ARHGEF11: variants seen among roughly 807,000 people sequenced by gnomAD.
The protein encoded by ARHGEF11 is Rho guanine exchange factor (GEF) 11.
Under a neutral mutation model 193.7 loss-of-function variants are expected in ARHGEF11, and 55 were observed. That is an observed-to-expected ratio of 0.28 (90% CI 0.23 to 0.36). The LOEUF (loss-of-function observed/expected upper bound fraction) is 0.36, where lower values mean the gene tolerates loss of function less well. Ranked by LOEUF, ARHGEF11 falls within the 10% of genes least tolerant of loss-of-function variation. The pLI, the probability that ARHGEF11 is intolerant of heterozygous loss-of-function variation, is 1.00. For synonymous variants in ARHGEF11, 693 were observed against 768.0 expected (o/e 0.90, Z 1.62); for missense variants, 1,723 against 2,005.6 (o/e 0.86, Z 2.69).
At chr1:157,024,663 C>T (rs1343888459) in intron 1 of ARHGEF11, among the ~76,000 whole-genome samples, 1 of 151,702 alleles carries the variant, frequency 6.6e-6, no homozygotes, top group Non-Finnish European at 1.5e-5. Flanking sequence ...ACTTGAGGGT[C>T]CATTTATAAT....
chr1:157,021,415 A>C (rs1246440622), intron 1 of ARHGEF11, among the ~76,000 whole-genome samples: 1 of 152,216 alleles, frequency 6.6e-6, no homozygotes, highest in African/African-American at 2.4e-5. Context: ...ATATATTTAA[A>C]ATCAAAATAA....
intron 1 of ARHGEF11, among the ~76,000 whole-genome samples, chr1:157,008,284 T>G (rs1467458027): frequency 6.6e-6 from 1 of 152,106 alleles, no homozygotes; most frequent in Admixed American, 6.5e-5. Flanking sequence ...CCCTCCAATG[T>G]GATGGCATTT....
chr1:156,978,465 C>T lies in ARHGEF11; in HGVS notation c.332-83G>A, dbSNP rs116573643. 5.4e-4 allele frequency: 805 copies of T among 1,479,370 alleles called. 5 individuals carry two copies. In the African/African-American group the frequency reaches 0.011, roughly 20 times the overall value. 91.6% of individuals were successfully genotyped at this position (1,479,370 alleles called of 1,614,324 possible). On this transcript the variant is annotated intron_variant, in intron 5 of 40. Transcript: ENST00000368194. ...GCTATACAGGAGGGGGCTGTTCTCCCTTGTCCTGTCATTAAACTCATTATT... is the reference window on the plus strand; with the variant it reads ...GCTATACAGGAGGGGGCTGTTCTCCTTTGTCCTGTCATTAAACTCATTATT...
At chr1:157,008,406 G>GCACA (rs60934928) in intron 1 of ARHGEF11, among the ~76,000 whole-genome samples, 20,696 of 149,086 alleles carry the variant, frequency 0.14, 1,422 homozygotes, top group East Asian at 0.25. Context: ...TTGCACGCAC[G>GCACA]CACACACACA....
chr1:157,009,618 C>T (rs1668314666), intron 1 of ARHGEF11, among the ~76,000 whole-genome samples: 1 of 152,184 alleles, frequency 6.6e-6, no homozygotes, highest in South Asian at 2.1e-4. Context: ...GGGATGCATA[C>T]TTATCTTTTA....
At chr1:156,989,745 C>T (rs1479982065) in intron 1 of ARHGEF11, among the ~76,000 whole-genome samples, 5 of 152,158 alleles carry the variant, frequency 3.3e-5, no homozygotes, top group African/African-American at 4.8e-5. Flanking sequence ...ATTTCATTTA[C>T]CCCAACATTT....
chr1:156,965,275 T>C (rs1006392025), intron 11 of ARHGEF11, among the ~76,000 whole-genome samples: 2 of 152,160 alleles, frequency 1.3e-5, no homozygotes, highest in African/African-American at 2.4e-5. Context: ...TAGAACAGGA[T>C]AGACGCCTGA....
rs184761552 is a variant in ARHGEF11 at position 156,944,092 on chromosome 1, C to G, written c.3078G>C (p.Val1026=). The change falls in exon 32 of 41, where the codon GTG becomes GTC. Residue 1026 remains valine (V), a synonymous_variant. Transcript: ENST00000368194. ...ISKDKTLDLH[V]LLLEDLLVLL... ...GCACTAGGAGGTCCTCCAGCAGCAG[C>G]ACGTGGAGGTCTGGAGGGGTATGGT... 1.9e-6 allele frequency: 3 copies of G among 1,613,678 alleles called. No individual in the cohort carries two copies. In the Admixed American group the frequency reaches 5.0e-5, roughly 27 times the overall value.
At chr1:156,957,728 A>T in intron 18 of ARHGEF11, 64 bp downstream of exon 18, 1 of 1,536,994 alleles carries the variant, frequency 6.5e-7, no homozygotes, top group Non-Finnish European at 9.0e-7. Flanking sequence ...AATGGAAAGC[A>T]TAGTAGCTCA....
intron 1 of ARHGEF11, among the ~76,000 whole-genome samples, chr1:157,007,118 G>T (rs577070263): frequency 7.2e-5 from 11 of 152,086 alleles, no homozygotes; most frequent in Non-Finnish European, 1.6e-4. Context: ...AGGGTACAAG[G>T]GAATGACAGG....
chr1:156,990,037 C>A (rs1177402646), intron 1 of ARHGEF11, among the ~76,000 whole-genome samples: 2 of 152,152 alleles, frequency 1.3e-5, no homozygotes, highest in African/African-American at 4.8e-5. Flanking sequence ...TTCAAATTTC[C>A]CCAACTGTCT....
intron 19 of ARHGEF11, 73 bp from the exon 20 acceptor site, chr1:156,955,872 A>T: frequency 8.6e-7 from 1 of 1,165,280 alleles, no homozygotes; most frequent in East Asian, 2.3e-5. Flanking sequence ...CAATTCTGCC[A>T]CTGTCCCCCA....
intron 1 of ARHGEF11, among the ~76,000 whole-genome samples, chr1:157,013,649 T>G (rs1668846102): frequency 6.6e-6 from 1 of 152,130 alleles, no homozygotes; most frequent in South Asian, 2.1e-4. Context: ...TTAATTTTCA[T>G]GACTTTCACT....
At position 156,937,419 on chromosome 1, in the gene ARHGEF11, G is replaced by C. The variant is rs775939790; in HGVS notation, c.4270C>G (p.Pro1424Ala). ...CCTGCAGGGAGGCTGTCAGGCTGAG[G>C]GGGGCTCATGGGTGCCTCTGAGTGG... ...TDHSEAPMSP[P>A]QPDSLPAGQT... Residue 1424 changes from proline (P) to alanine (A), a missense_variant, in exon 39 of 41, where the codon CCT becomes GCT. Pro to Ala is a conservative substitution (Grantham distance 27). Coordinates refer to ENST00000368194, the MANE Select transcript of ARHGEF11 (RefSeq NM_198236.3). The C allele has an allele frequency of 3.2e-6, 5 of 1,581,300 alleles. No individual in the cohort carries two copies. The highest frequency in any genetic ancestry group is 4.3e-6 in the Non-Finnish European group (5 of 1,165,718).
Position 156,971,641 on chromosome 1 carries a change from T to C in ARHGEF11, c.702+56A>G. Reference sequence around the variant, plus strand: ...CTTCTGTCCTTGCTTTTTCCCTCACTCTACCCCCAGTTCTACTGCATGTGC... The same window carrying C: ...CTTCTGTCCTTGCTTTTTCCCTCACCCTACCCCCAGTTCTACTGCATGTGC... On this transcript the variant is annotated intron_variant, in intron 8 of 40. Coordinates refer to ENST00000368194, the MANE Select transcript of ARHGEF11 (RefSeq NM_198236.3). The C allele has an allele frequency of 2.5e-6, 4 of 1,571,148 alleles. No homozygotes were observed. In the South Asian group the frequency reaches 4.6e-5, roughly 18 times the overall value.
Position 156,968,111 on chromosome 1 carries a change from C to G in ARHGEF11, c.839G>C (p.Arg280Pro). The change falls in exon 11 of 41, where the codon CGG becomes CCG. Residue 280 changes from arginine (R) to proline (P), a missense_variant. By Grantham distance (103) the Arg-to-Pro change is moderately radical (BLOSUM62 -2). Transcript: ENST00000368194. ...CCCAGGGTCTGACAGTACCGAGTTC[C>G]GATTCATCAATGACTAGAGAAACAA... ...FPSLSESLMNRNSVLSDPGLD... is the reference protein window; with the variant it reads ...FPSLSESLMNPNSVLSDPGLD... The G allele has an allele frequency of 6.2e-7, 1 of 1,609,044 alleles. No individual in the cohort carries two copies. Among genetic ancestry groups the G allele is most frequent in the Non-Finnish European group, 8.5e-7 (1 of 1,176,530 alleles).
chr1:157,017,630 C>G (rs2102865749), intron 1 of ARHGEF11, among the ~76,000 whole-genome samples: 1 of 149,578 alleles, frequency 6.7e-6, no homozygotes, highest in African/African-American at 2.5e-5. Context: ...TCACTTGAAC[C>G]CAGGAGGTGG....
chr1:156,939,365 T>A (rs560009784), intron 37 of ARHGEF11, 183 bp downstream of exon 37: 65 of 767,468 alleles, frequency 8.5e-5, no homozygotes, highest in Admixed American at 1.6e-4. Flanking sequence ...AAGCTCTGAA[T>A]CTCGAATGTC....
At chr1:157,038,205 G>C (rs1047593302) in intron 1 of ARHGEF11, among the ~76,000 whole-genome samples, 16 of 152,166 alleles carry the variant, frequency 1.1e-4, no homozygotes, top group African/African-American at 3.6e-4. Context: ...TTCCCTACAT[G>C]ATTTGAGGCC....
Sources: gnomAD v4.1 joint callset for allele counts (sites outside exome capture counted in the v4.1 genomes callset) on GRCh38, gnomAD v4.1.1 for gene constraint, MANE v1.5 for transcripts, NCBI Gene and HGNC (gene_info 2026-07-23, HGNC 2026-07-21) for gene names.